ZC3H4: variants seen among roughly 807,000 people sequenced by gnomAD.
ZC3H4 encodes the protein zinc finger CCCH-type containing 4.
Under a neutral mutation model 108.3 loss-of-function variants are expected in ZC3H4, and 13 were observed. That is an observed-to-expected ratio of 0.12 (90% CI 0.08 to 0.19). The LOEUF is 0.19. Among genes scored for constraint, ZC3H4 ranks in the 10% least tolerant of loss-of-function variants. The pLI, the probability that ZC3H4 is intolerant of heterozygous loss-of-function variation, is 1.00. For synonymous variants in ZC3H4, 917 were observed against 749.6 expected (o/e 1.22, Z -3.65); for missense variants, 1,734 against 1,838.8 (o/e 0.94, Z 1.04).
chr19:47,098,402 A>G (rs758019644), intron 2 of ZC3H4, among the ~76,000 whole-genome samples: 68 of 150,540 alleles, frequency 4.5e-4, no homozygotes, highest in Non-Finnish European at 7.7e-4. Flanking sequence ...AGGCACAAGA[A>G]CTTGAACCTG....
At position 47,067,690 on chromosome 19, in the gene ZC3H4, C is replaced by A. The variant is rs375960398; in HGVS notation, c.2578G>T (p.Ala860Ser). The A allele has an allele frequency of 1.2e-6, 2 of 1,600,178 alleles. No individual in the cohort carries two copies. The highest frequency in any genetic ancestry group is 3.4e-5 in the Admixed American group (2 of 58,704). The change falls in exon 15 of 15, where the codon GCT becomes TCT. Residue 860 changes from alanine (A) to serine (S), a missense_variant. Around this residue, in one of 9 missense-constraint regions of ZC3H4, gnomAD observed 540 missense variants for 484.1 expected, o/e 1.12. Coordinates refer to ENST00000253048, the MANE Select transcript of ZC3H4 (RefSeq NM_015168.2). This position sits in a 1 kb window ranked among gnomAD's most constrained non-coding sequence, Gnocchi z 6.4. ...QKGHPTGSRL[A>S]DPRLSRDPRL... ...GGGTCCCGGCTGAGGCGAGGGTCAG[C>A]CAGCCGGCTTCCTGTGGGGTGTCCC... is the stretch of plus-strand genomic sequence containing the variant.
chr19:47,072,980 G>A lies in ZC3H4; in HGVS notation c.1441-267C>T, dbSNP rs944039229. The stretch of plus-strand genomic sequence containing the variant: ...AAAGCATACTGTTTAACCATTTAAA[G>A]TGAACGATTCAGCTGGGCGCAGGGA... On this transcript the variant is annotated intron_variant, in intron 11 of 14. Coordinates refer to ENST00000253048, the MANE Select transcript of ZC3H4 (RefSeq NM_015168.2). This position sits in a 1 kb window ranked among gnomAD's most constrained non-coding sequence, Gnocchi z 5.6. 1.3e-5 allele frequency among the ~76,000 whole-genome samples: 2 copies of A among 152,146 alleles called. No individual in the cohort carries two copies. The highest frequency in any genetic ancestry group is 4.8e-5 in the African/African-American group (2 of 41,426).
chr19:47,067,696 G>A lies in ZC3H4; in HGVS notation c.2572C>T (p.Arg858Trp), dbSNP rs200363812. 1.9e-4 allele frequency: 307 copies of A among 1,601,716 alleles called. No individual in the cohort carries two copies. The highest frequency in any genetic ancestry group is 2.5e-4 in the Non-Finnish European group (293 of 1,176,096). ...CGGCTGAGGCGAGGGTCAGCCAGCCGGCTTCCTGTGGGGTGTCCCTTCTGG... is the reference window on the plus strand; with the variant it reads ...CGGCTGAGGCGAGGGTCAGCCAGCCAGCTTCCTGTGGGGTGTCCCTTCTGG... ...RLQKGHPTGS[R>W]LADPRLSRDP... Residue 858 changes from arginine (R) to tryptophan (W), a missense_variant, in exon 15 of 15, where the codon CGG becomes TGG. Physicochemically the swap from Arg to Trp is moderately radical, Grantham distance 101. Coordinates refer to ENST00000253048, the MANE Select transcript of ZC3H4 (RefSeq NM_015168.2). The surrounding 1 kb of genome is among the most constrained non-coding windows in gnomAD (Gnocchi z 6.4).
intron 8 of ZC3H4, among the ~76,000 whole-genome samples, chr19:47,084,709 C>G (rs765981462): frequency 6.6e-6 from 1 of 152,222 alleles, no homozygotes; most frequent in Non-Finnish European, 1.5e-5. Context: ...TTCCACACAA[C>G]TGTGCAGGAA....
At chr19:47,093,669 G>A (rs2057774411) in intron 4 of ZC3H4, 1 of 251,320 alleles carries the variant, frequency 4.0e-6, no homozygotes, top group South Asian at 7.8e-5. Context: ...ATAGCTCACT[G>A]CAACCTTAAA....
At chr19:47,093,507 G>A (rs935006208) in intron 4 of ZC3H4, among the ~76,000 whole-genome samples, 4 of 152,176 alleles carry the variant, frequency 2.6e-5, no homozygotes, top group South Asian at 2.1e-4. Flanking sequence ...GAGGAGGCTC[G>A]AGAACATGCC....
chr19:47,081,698 C>A, intron 10 of ZC3H4, 76 bp from the exon 11 acceptor site: 1 of 1,262,810 alleles, frequency 7.9e-7, no homozygotes, highest in South Asian at 1.2e-5. Flanking sequence ...AGGCAGAATC[C>A]AGCTCCCTTT....
At chr19:47,079,592 T>C (rs968191184) in intron 11 of ZC3H4, among the ~76,000 whole-genome samples, 8 of 152,038 alleles carry the variant, frequency 5.3e-5, no homozygotes, top group Admixed American at 2.6e-4. Flanking sequence ...CCTAGGTATG[T>C]ACTGATTACA....
chr19:47,110,587 A>G (rs1170181301), intron 2 of ZC3H4, among the ~76,000 whole-genome samples: 1 of 152,232 alleles, frequency 6.6e-6, no homozygotes, highest in African/African-American at 2.4e-5. Flanking sequence ...CAGGCAGTAA[A>G]GGGAGAAAAA....
chr19:47,107,200 T>C (rs1322796267), intron 2 of ZC3H4, among the ~76,000 whole-genome samples: 2 of 152,178 alleles, frequency 1.3e-5, no homozygotes, highest in East Asian at 3.8e-4. Flanking sequence ...CCCTAAGAGA[T>C]GAAAGATAAA....
In ZC3H4 at chr19:47,065,393, T is replaced by C. The variant is rs563190912; in HGVS notation, c.*963A>G. 2 of 153,066 alleles carry C rather than the reference T, an allele frequency of 1.3e-5. No homozygotes were observed. Among genetic ancestry groups the C allele is most frequent in the Non-Finnish European group, 2.9e-5 (2 of 68,314 alleles). 9.5% of individuals were successfully genotyped at this position (153,066 alleles called of 1,614,324 possible). A position where few individuals can be genotyped will look rare whatever the true frequency, so the allele number is the denominator to read the frequency against. Reference sequence around the variant, plus strand: ...AGGAGCCACCCCAGGGTCCCCATTGTTGGGGCCTGGCGGCGCAGCCACTGC... The same window carrying C: ...AGGAGCCACCCCAGGGTCCCCATTGCTGGGGCCTGGCGGCGCAGCCACTGC... On this transcript the variant is annotated 3_prime_UTR_variant, in exon 15 of 15. Transcript: ENST00000253048.
chr19:47,105,384 C>T (rs1180508610), intron 2 of ZC3H4, among the ~76,000 whole-genome samples: 27 of 152,100 alleles, frequency 1.8e-4, no homozygotes, highest in African/African-American at 5.6e-4. Context: ...GTGGATCACT[C>T]GAGGTCACGA....
chr19:47,109,226 G>A (rs948513899), intron 2 of ZC3H4, among the ~76,000 whole-genome samples: 1 of 152,086 alleles, frequency 6.6e-6, no homozygotes, highest in Non-Finnish European at 1.5e-5. Context: ...AATTACTGGG[G>A]CTTCTAGGTC....
intron 2 of ZC3H4, among the ~76,000 whole-genome samples, chr19:47,110,030 A>G (rs1297341617): frequency 6.6e-6 from 1 of 152,192 alleles, no homozygotes; most frequent in African/African-American, 2.4e-5. Context: ...TTTCACAGTC[A>G]GACATGTGCT....
intron 2 of ZC3H4, among the ~76,000 whole-genome samples, chr19:47,102,303 T>C (rs879889285): frequency 6.6e-6 from 1 of 152,226 alleles, no homozygotes; most frequent in Admixed American, 6.5e-5. Context: ...CTACAAATTA[T>C]TTGACAACTA....
intron 10 of ZC3H4, 42 bp from the exon 11 acceptor site, chr19:47,081,664 C>A (rs367628896): frequency 3.3e-6 from 5 of 1,526,424 alleles, no homozygotes; most frequent in South Asian, 1.1e-5. Context: ...TCACAGAACG[C>A]CCCCCTCCCC....
At chr19:47,075,386 A>G (rs2057401798) in intron 11 of ZC3H4, among the ~76,000 whole-genome samples, 1 of 152,046 alleles carries the variant, frequency 6.6e-6, no homozygotes, top group Admixed American at 6.5e-5. Context: ...CTCCTGGCCC[A>G]AGGGCCCTTC....
At chr19:47,085,966 T>G (rs985345315) in intron 6 of ZC3H4, among the ~76,000 whole-genome samples, 2 of 151,960 alleles carry the variant, frequency 1.3e-5, no homozygotes, top group African/African-American at 4.8e-5. Flanking sequence ...CGGGTTCAAG[T>G]GATTCTCCTG....
At chr19:47,079,780 G>A (rs1009107041) in intron 11 of ZC3H4, among the ~76,000 whole-genome samples, 2 of 152,178 alleles carry the variant, frequency 1.3e-5, no homozygotes, top group Non-Finnish European at 2.9e-5. Context: ...CCAGCTACTC[G>A]GGAGGCTGAG....
Sources: allele counts gnomAD v4.1 joint callset (sites outside exome capture counted in the v4.1 genomes callset), GRCh38; gene constraint gnomAD v4.1.1; regional missense constraint gnomAD v4.1.1; non-coding constraint Gnocchi (gnomAD v3.1); transcripts MANE v1.5; gene names NCBI Gene and HGNC (gene_info 2026-07-23, HGNC 2026-07-21).